The following CEP170B variants were observed in gnomAD, a reference collection of about 807,000 sequenced individuals.
CEP170B encodes centrosomal protein 170B, also known as centrosomal protein of 170 kDa protein B.
In CEP170B, 55 loss-of-function variants were observed where a neutral mutation model predicts 120.6. The ratio of observed to expected loss-of-function variants is 0.46; its 90% CI spans 0.37 to 0.57. The LOEUF (loss-of-function observed/expected upper bound fraction) is 0.57, where lower values mean the gene tolerates loss of function less well. CEP170B is among the 20% of genes least tolerant of loss of function. The probability of loss-of-function intolerance (pLI) is 0.00; values close to 1 mark genes in which losing one functional copy is unlikely to be tolerated. For missense variants in CEP170B, 2,212 were observed against 2,253.3 expected, an observed-to-expected ratio of 0.98 and a Z score of 0.37; for synonymous variants, 1,033 against 954.5, an observed-to-expected ratio of 1.08 and a Z score of -1.52.
chr14:104,887,624 G>A lies in CEP170B; in HGVS notation c.3385G>A (p.Ala1129Thr). ...CACACGGGCCTCCCGGCTGAGGCGG[G>A]CCCGGCTGGGGGACGCTTCAGACAC... ...RPTRASRLRRARLGDASDTEA... is the reference protein window; with the variant it reads ...RPTRASRLRRTRLGDASDTEA... The change falls in exon 12 of 19, where the codon GCC becomes ACC. Residue 1129 changes from alanine to threonine, a missense_variant. Around this residue, in one of 2 missense-constraint regions of CEP170B, gnomAD observed 2,166 missense variants for 2,166.7 expected, o/e 1.00. Coordinates refer to ENST00000414716, the MANE Select transcript of CEP170B (RefSeq NM_001112726.3). 1 of 1,571,520 alleles carries A rather than the reference G, an allele frequency of 6.4e-7. No individual in the cohort carries two copies. The highest frequency in any genetic ancestry group is 8.6e-7 in the Non-Finnish European group (1 of 1,160,444).
chr14:104,892,836 C>A, intron 13 of CEP170B, 140 bp from the exon 14 acceptor site: 1 of 936,950 alleles, frequency 1.1e-6, no homozygotes, highest in Non-Finnish European at 1.6e-6. Flanking sequence ...GTGTTTGGGG[C>A]CAGGCTGGGG....
intron 2 of CEP170B, among the ~76,000 whole-genome samples, chr14:104,873,214 G>A (rs1895666551): frequency 6.6e-6 from 1 of 151,790 alleles, no homozygotes; most frequent in Non-Finnish European, 1.5e-5. Context: ...GGAGTGGGCG[G>A]GGCAGCTGGG....
In CEP170B at chr14:104,886,486, T is replaced by C; in HGVS notation, c.2247T>C (p.Asp749=). The change falls in exon 12 of 19, where the codon GAT becomes GAC. Residue 749 remains aspartate, a synonymous_variant. Transcript: ENST00000414716. The stretch of plus-strand genomic sequence containing the variant: ...AGTTGGATCCTGACAGCCTCAGCGA[T>C]GCCAGTGGGTCGGACGGGGGCCGAG... The part of the protein sequence containing the change: ...QEELDPDSLS[D]ASGSDGGRGP... The C allele has an allele frequency of 6.5e-7, 1 of 1,535,432 alleles. No homozygotes were observed. The highest frequency in any genetic ancestry group is 8.7e-7 in the Non-Finnish European group (1 of 1,143,824).
chr14:104,886,943 C>A lies in CEP170B; in HGVS notation c.2704C>A (p.Arg902Ser). 1 of 1,608,868 alleles carries A rather than the reference C, an allele frequency of 6.2e-7. No homozygotes were observed. Among genetic ancestry groups the A allele is most frequent in the South Asian group, 1.1e-5 (1 of 91,088 alleles). ...GGACCTGGCCGCTACCCGGGCCGCA[C>A]GCATGGACTTCCACTCCCAGGACAC... ...LQDLAATRAA[R>S]MDFHSQDTHL... Residue 902 changes from arginine to serine, a missense_variant, in exon 12 of 19, where the codon CGC becomes AGC. Around this residue, in one of 2 missense-constraint regions of CEP170B, gnomAD observed 2,166 missense variants for 2,166.7 expected, o/e 1.00. Transcript: ENST00000414716.
intron 7 of CEP170B, 21 bp from the exon 8 acceptor site, chr14:104,883,014 G>A: frequency 6.7e-7 from 1 of 1,492,420 alleles, no homozygotes; most frequent in Non-Finnish European, 8.9e-7. Context: ...GGCCCGGTCT[G>A]AAGACATCTT....
chr14:104,881,294 T>G (rs1595335114), intron 6 of CEP170B, among the ~76,000 whole-genome samples: 3 of 148,798 alleles, frequency 2.0e-5, no homozygotes, highest in Admixed American at 6.7e-5. Context: ...GGGGTCGGGG[T>G]GGGGTATCCA....
In CEP170B at chr14:104,893,252, G is replaced by A. The variant is rs938523247; in HGVS notation, c.4038+117G>A. The A allele has an allele frequency of 1.4e-5, 18 of 1,270,396 alleles. No homozygotes were observed. In the African/African-American group the frequency reaches 2.3e-4, roughly 16 times the overall value. The allele number at this position is 1,270,396 out of a possible 1,614,324, so 78.7% of individuals were successfully genotyped here. On this transcript the variant is annotated intron_variant, in intron 14 of 18. Coordinates refer to ENST00000414716, the MANE Select transcript of CEP170B (RefSeq NM_001112726.3). ...AGGCCCTGCTGCACATCCCCACTTG[G>A]CGAGCTGGAACATGTCCCCCTGGGT...
chr14:104,880,563 C>G (rs1245177663), intron 6 of CEP170B, 138 bp downstream of exon 6: 1 of 1,298,700 alleles, frequency 7.7e-7, no homozygotes, highest in South Asian at 1.4e-5. Flanking sequence ...TTTGCACACA[C>G]CTACCCTTGC....
Position 104,883,816 on chromosome 14 carries a change from C to A in CEP170B, c.1052-15C>A. ...TCTCTCGGCCTGACAAGGTGGGGTC[C>A]CCTGTCTCCCCCAGGCCACAAGCAC... On this transcript the variant is annotated splice_polypyrimidine_tract_variant and intron_variant, in intron 8 of 18. Transcript: ENST00000414716. The A allele has an allele frequency of 6.6e-7, 1 of 1,521,502 alleles. No homozygotes were observed. The highest frequency in any genetic ancestry group is 8.8e-7 in the Non-Finnish European group (1 of 1,132,718). 94.3% of individuals were successfully genotyped at this position (1,521,502 alleles called of 1,614,324 possible).
intron 13 of CEP170B, among the ~76,000 whole-genome samples, chr14:104,892,230 C>T (rs188965069): frequency 9.5e-4 from 145 of 152,206 alleles, no homozygotes; most frequent in African/African-American, 3.4e-3. Flanking sequence ...GGACAGCTGA[C>T]GAGGCTGTGC....
Position 104,868,992 on chromosome 14 carries a change from A to G in CEP170B, c.105+437A>G, listed in dbSNP as rs1895337200. ...GTGCTGCCTGAGCGGGGGTCCCAGT[A>G]TCTTGGTCCCAGCTGCACCCTGGTG... On this transcript the variant is annotated intron_variant, in intron 2 of 18. Transcript: ENST00000414716. The surrounding 1 kb of genome is among the most constrained non-coding windows in gnomAD (Gnocchi z 5.9). Among the ~76,000 whole-genome samples, 1 of 152,094 alleles carries G rather than the reference A, an allele frequency of 6.6e-6. No homozygotes were observed. Among genetic ancestry groups the G allele is most frequent in the Admixed American group, 6.5e-5 (1 of 15,286 alleles).
At chr14:104,865,257 G>A (rs865907219), upstream of CEP170B, 24 of 145,970 alleles carry the variant, frequency 1.6e-4, no homozygotes, top group South Asian at 1.9e-4. The surrounding 1 kb of genome is among the most constrained non-coding windows in gnomAD (Gnocchi z 6.7). Flanking sequence ...GGGCGGGGCT[G>A]AGCCTCCCGC....
At chr14:104,880,899 C>G (rs1017518813) in intron 6 of CEP170B, among the ~76,000 whole-genome samples, 3 of 149,900 alleles carry the variant, frequency 2.0e-5, no homozygotes, top group East Asian at 4.0e-4. Context: ...TCTTACCCCA[C>G]ACACACAGCT....
At chr14:104,890,815 G>A (rs1896810484) in intron 13 of CEP170B, among the ~76,000 whole-genome samples, 7 of 146,768 alleles carry the variant, frequency 4.8e-5, no homozygotes, top group African/African-American at 1.8e-4. Context: ...ATGAGTGGGT[G>A]GGTGGATGGA....
chr14:104,870,353 A>G lies in CEP170B; in HGVS notation c.105+1798A>G, dbSNP rs1895412793. Reference sequence around the variant, plus strand: ...AAAGATCATTCTTAGTTCTCAAGCCATCTAAAGACAGGCGGCAGGCCATAG... The same window carrying G: ...AAAGATCATTCTTAGTTCTCAAGCCGTCTAAAGACAGGCGGCAGGCCATAG... On this transcript the variant is annotated intron_variant, in intron 2 of 18. Transcript: ENST00000414716. This position sits in a 1 kb window ranked among gnomAD's most constrained non-coding sequence, Gnocchi z 4.1. 6.6e-6 allele frequency among the ~76,000 whole-genome samples: 1 copy of G among 152,246 alleles called. No homozygotes were observed. Among genetic ancestry groups the G allele is most frequent in the Non-Finnish European group, 1.5e-5 (1 of 68,038 alleles).
At chr14:104,878,349 TG>T in intron 4 of CEP170B, 93 bp from the exon 5 acceptor site, 3 of 1,296,690 alleles carry the variant, frequency 2.3e-6, no homozygotes, top group Non-Finnish European at 2.2e-6. Flanking sequence ...CCTGCCTCGA[TG>T]GGCCCTTGAG....
At chr14:104,873,631 T>C (rs28694394) in intron 2 of CEP170B, among the ~76,000 whole-genome samples, 75,422 of 151,624 alleles carry the variant, frequency 0.5, 20,053 homozygotes, top group Middle Eastern at 0.65. Flanking sequence ...CAGCAGGAGC[T>C]CTCGAGGCCC....
chr14:104,894,482 C>A (rs1896992379), intron 17 of CEP170B, 55 bp from the exon 18 acceptor site: 26 of 1,601,820 alleles, frequency 1.6e-5, no homozygotes, highest in Non-Finnish European at 2.0e-5. Context: ...AGCCCCGGGG[C>A]AGGGCTGCAG....
intron 10 of CEP170B, 79 bp from the exon 11 acceptor site, chr14:104,885,961 G>A (rs900346648): frequency 2.8e-5 from 36 of 1,280,626 alleles, no homozygotes; most frequent in African/African-American, 4.5e-5. Context: ...TGCTCTGGAC[G>A]CCCCTCCTGT....
Sources: allele counts gnomAD v4.1 joint callset (sites outside exome capture counted in the v4.1 genomes callset), GRCh38; gene constraint gnomAD v4.1.1; regional missense constraint gnomAD v4.1.1; non-coding constraint Gnocchi (gnomAD v3.1); transcripts MANE v1.5; gene names NCBI Gene and HGNC (gene_info 2026-07-23, HGNC 2026-07-21).